The following TDP1 variants were observed in gnomAD, a reference collection of about 807,000 sequenced individuals.
TDP1 encodes the protein tyr-DNA phosphodiesterase 1.
A neutral mutation model predicts 81.5 loss-of-function variants in TDP1; 64 were observed. The ratio of observed to expected loss-of-function variants is 0.79; its 90% CI spans 0.64 to 0.97. The LOEUF (loss-of-function observed/expected upper bound fraction) is 0.97, where lower values mean the gene tolerates loss of function less well. Among genes scored for constraint, TDP1 ranks in the 50% least tolerant of loss-of-function variants. The pLI, the probability that TDP1 is intolerant of heterozygous loss-of-function variation, is 0.00. For missense variants in TDP1, 723 were observed against 743.8 expected (o/e 0.97, Z 0.33); for synonymous variants, 256 against 264.3 (o/e 0.97, Z 0.30).
intron 6 of TDP1, among the ~76,000 whole-genome samples, chr14:89,975,104 C>T (rs1734510695): frequency 6.6e-6 from 1 of 152,202 alleles, no homozygotes; most frequent in Admixed American, 6.5e-5. Context: ...GAGACGGAGT[C>T]TCGCTCTGTC....
chr14:89,971,078 C>G (rs145291160), intron 5 of TDP1, 97 bp from the exon 6 acceptor site: 7 of 1,022,468 alleles, frequency 6.8e-6, no homozygotes, highest in Non-Finnish European at 1.0e-5. Context: ...TCAGGTAGTC[C>G]ACCTGCCTCG....
At chr14:90,020,083 C>T (rs1885792478) in intron 15 of TDP1, among the ~76,000 whole-genome samples, 2 of 152,202 alleles carry the variant, frequency 1.3e-5, no homozygotes, top group Admixed American at 6.5e-5. Flanking sequence ...GCTCTGGAGC[C>T]ACTTGAGATT....
intron 7 of TDP1, among the ~76,000 whole-genome samples, chr14:89,977,160 CAAAAG>C (rs1363212244): frequency 2.0e-5 from 3 of 152,028 alleles, no homozygotes; most frequent in Non-Finnish European, 2.9e-5. Context: ...GTCTCGAAAA[CAAAAG>C]AAAATGCCTA....
At position 90,043,996 on chromosome 14, in the gene TDP1, G is replaced by A. The variant is rs1596748673; in HGVS notation, c.*853G>A. The A allele has an allele frequency of 6.6e-6, 1 of 152,188 alleles. No individual in the cohort carries two copies. The highest frequency in any genetic ancestry group is 1.9e-4 in the East Asian group (1 of 5,196). 9.4% of individuals were successfully genotyped at this position (152,188 alleles called of 1,614,324 possible). A position where few individuals can be genotyped will look rare whatever the true frequency, so the allele number is the denominator to read the frequency against. On this transcript the variant is annotated 3_prime_UTR_variant, in exon 17 of 17. Coordinates refer to ENST00000335725, the MANE Select transcript of TDP1 (RefSeq NM_018319.4). ...TAGGATCTGTCTCTGAGACCAATGT[G>A]CTGTTTCAGCCCCCTGCAGCTAAGA...
chr14:89,997,998 ATGG>A lies in TDP1; in HGVS notation c.1541+4520_1541+4522del, dbSNP rs1896786423. ...CAAAGAAGTGTGTTTATGTATGCAA[ATGG>A]TGGTAAGTGCTATAGAGAAAAAATA... On this transcript the variant is annotated intron_variant, in intron 14 of 16. Coordinates refer to ENST00000335725, the MANE Select transcript of TDP1 (RefSeq NM_018319.4). Among the ~76,000 whole-genome samples, 3 of 152,262 alleles carry A rather than the reference ATGG, an allele frequency of 2.0e-5. 1 individual carries two copies. In the Middle Eastern group the frequency reaches 0.01, roughly 521 times the overall value.
chr14:90,033,203 A>G lies in TDP1; in HGVS notation c.1742A>G (p.Tyr581Cys), dbSNP rs769630346. The change falls in exon 16 of 17, where the codon TAT becomes TGT. Residue 581 changes from tyrosine (Y) to cysteine (C), a missense_variant. Tyr to Cys is a radical substitution (Grantham distance 194, BLOSUM62 -2). Transcript: ENST00000335725. ...CCATATGATTTGCCTCCAGAACTGT[A>G]TGGAAGTAAAGGTGAGACACAGATA... ...PVPYDLPPELYGSKDRPWIWN... is the reference protein window; with the variant it reads ...PVPYDLPPELCGSKDRPWIWN... 28 of 1,596,856 alleles carry G rather than the reference A, an allele frequency of 1.8e-5. No individual in the cohort carries two copies. The highest frequency in any genetic ancestry group is 2.3e-5 in the Non-Finnish European group (27 of 1,164,464).
At chr14:90,012,040 C>T (rs916414964) in intron 14 of TDP1, among the ~76,000 whole-genome samples, 7 of 152,246 alleles carry the variant, frequency 4.6e-5, no homozygotes, top group African/African-American at 1.7e-4. Context: ...GGCCCAGGCC[C>T]TTGCCGCTTT....
intron 16 of TDP1, among the ~76,000 whole-genome samples, chr14:90,038,128 T>C (rs1028873699): frequency 6.6e-6 from 1 of 152,212 alleles, no homozygotes; most frequent in African/African-American, 2.4e-5. Flanking sequence ...CTTTGATTGA[T>C]TGGTTAAGTT....
chr14:89,972,786 G>A (rs984218292), intron 6 of TDP1, among the ~76,000 whole-genome samples: 1 of 152,116 alleles, frequency 6.6e-6, no homozygotes, highest in African/African-American at 2.4e-5. Flanking sequence ...GGCTGTATTC[G>A]TTTGTTATGA....
chr14:89,954,986 G>C (rs1039051116), upstream of TDP1: 9 of 421,532 alleles, frequency 2.1e-5, no homozygotes, highest in East Asian at 3.0e-4. Context: ...CTAGGTGCTG[G>C]TTCAATGCCT....
intron 15 of TDP1, among the ~76,000 whole-genome samples, chr14:90,024,172 T>C (rs1483468540): frequency 6.6e-6 from 1 of 152,186 alleles, no homozygotes; most frequent in Non-Finnish European, 1.5e-5. Context: ...GCAGGGCTTC[T>C]TTTCCCCTTC....
chr14:90,035,001 G>A (rs1045965505), intron 16 of TDP1, among the ~76,000 whole-genome samples: 8 of 151,556 alleles, frequency 5.3e-5, no homozygotes, highest in Non-Finnish European at 1.0e-4. Context: ...ACCATTCTCA[G>A]CTTTCATGGT....
intron 6 of TDP1, among the ~76,000 whole-genome samples, chr14:89,971,550 G>A (rs1319324823): frequency 2.0e-5 from 3 of 152,338 alleles, no homozygotes; most frequent in South Asian, 2.1e-4. Context: ...CACAGAATAA[G>A]TAAGTCTTTC....
intron 14 of TDP1, among the ~76,000 whole-genome samples, chr14:90,002,401 G>A (rs1454468540): frequency 6.6e-6 from 1 of 152,202 alleles, no homozygotes; most frequent in Non-Finnish European, 1.5e-5. Context: ...CAAGGATGAT[G>A]ATAGAAAACA....
At chr14:89,976,194 C>T (rs576516548) in intron 7 of TDP1, among the ~76,000 whole-genome samples, 1 of 151,688 alleles carries the variant, frequency 6.6e-6, no homozygotes, top group Non-Finnish European at 1.5e-5. Flanking sequence ...CAGCCTCCAA[C>T]TCCTGGGCTT....
In TDP1 at chr14:90,001,051, G is replaced by T. The variant is rs1029475525; in HGVS notation, c.1541+7568G>T. 3.3e-5 allele frequency among the ~76,000 whole-genome samples: 5 copies of T among 152,112 alleles called. No homozygotes were observed. The East Asian group carries it at 7.7e-4, about 23-fold the overall frequency. On this transcript the variant is annotated intron_variant, in intron 14 of 16. Transcript: ENST00000335725. ...CTCATCCCCTTAGGAAATGTATTTC[G>T]TATGGTTCCTATTGGGTCTACGTAA...
At chr14:89,977,766 G>T (rs1004574595) in intron 7 of TDP1, among the ~76,000 whole-genome samples, 2 of 152,190 alleles carry the variant, frequency 1.3e-5, no homozygotes, top group African/African-American at 4.8e-5. Context: ...AGGGTAAACT[G>T]CCTTCCCCAC....
rs953125676 is a variant in TDP1 at position 89,984,973 on chromosome 14, T to C, written c.1053-159T>C. The C allele has an allele frequency of 2.8e-5, 26 of 926,644 alleles. No homozygotes were observed. The African/African-American group carries it at 3.8e-4, about 13-fold the overall frequency. The allele number at this position is 926,644 out of a possible 1,614,324, so 57.4% of individuals were successfully genotyped here. On this transcript the variant is annotated intron_variant, in intron 9 of 16. Coordinates refer to ENST00000335725, the MANE Select transcript of TDP1 (RefSeq NM_018319.4). ...ATCTTGTAGGCATTCCATCATTAGT[T>C]GATTTGCTTGAAAATGAATTTGAGA...
intron 6 of TDP1, chr14:89,975,311 C>A: frequency 3.8e-6 from 2 of 525,910 alleles, no homozygotes; most frequent in Non-Finnish European, 4.9e-6. Flanking sequence ...CTCCTGACTT[C>A]GTGATGTGCC....
Sources: allele counts gnomAD v4.1 joint callset (sites outside exome capture counted in the v4.1 genomes callset), GRCh38; gene constraint gnomAD v4.1.1; transcripts MANE v1.5; gene names NCBI Gene and HGNC (gene_info 2026-07-23, HGNC 2026-07-21).